The following RASGRF2 variants were observed in gnomAD, a reference collection of about 807,000 sequenced individuals.
The protein encoded by RASGRF2 is ras-specific guanine nucleotide-releasing factor 2.
A neutral mutation model predicts 151.0 loss-of-function variants in RASGRF2; 76 were observed. That is an observed-to-expected ratio of 0.50 (90% CI 0.42 to 0.61). RASGRF2 has a LOEUF of 0.61. Ranked by LOEUF, RASGRF2 falls within the 20% of genes least tolerant of loss-of-function variation. The probability of loss-of-function intolerance (pLI) is 0.00; values close to 1 mark genes in which losing one functional copy is unlikely to be tolerated. For synonymous variants in RASGRF2, 504 were observed against 566.5 expected (o/e 0.89, Z 1.57); for missense variants, 1,148 against 1,564.6 (o/e 0.73, Z 4.49).
intron 1 of RASGRF2, among the ~76,000 whole-genome samples, chr5:80,992,501 G>A (rs6453535): frequency 6.6e-4 from 101 of 152,288 alleles, no homozygotes; most frequent in African/African-American, 2.2e-3. Context: ...GAGAATAGGA[G>A]GGAGATACAA....
intron 4 of RASGRF2, 35 bp from the exon 5 acceptor site, chr5:81,073,164 C>G: frequency 6.3e-7 from 1 of 1,587,492 alleles, no homozygotes; most frequent in South Asian, 1.1e-5. Context: ...ACCATTGTAA[C>G]TAGTCAGATT....
chr5:80,989,229 C>T (rs888652690), intron 1 of RASGRF2, among the ~76,000 whole-genome samples: 1 of 152,104 alleles, frequency 6.6e-6, no homozygotes, highest in Non-Finnish European at 1.5e-5. Flanking sequence ...CGTCTGTCTC[C>T]CAAAGTGCTG....
intron 1 of RASGRF2, among the ~76,000 whole-genome samples, chr5:80,989,507 A>C (rs891632956): frequency 6.6e-6 from 1 of 152,214 alleles, no homozygotes; most frequent in African/African-American, 2.4e-5. Context: ...GGGATGCTTA[A>C]AGACTCCTTT....
intron 17 of RASGRF2, among the ~76,000 whole-genome samples, chr5:81,144,643 T>C (rs1010334761): frequency 1.3e-5 from 2 of 152,338 alleles, no homozygotes; most frequent in Non-Finnish European, 2.9e-5. Flanking sequence ...GTTGCACTTA[T>C]TATCAACATA....
Position 81,183,559 on chromosome 5 carries a change from C to T in RASGRF2, c.2793+3278C>T, listed in dbSNP as rs116793752. ...TTTTTAGGGGGTTCTAAAAATCTTC[C>T]TATGTGAATACATTCTGGCCTATTG... On this transcript the variant is annotated intron_variant, in intron 18 of 26. Transcript: ENST00000265080. 2.8e-3 allele frequency among the ~76,000 whole-genome samples: 432 copies of T among 152,308 alleles called. 4 individuals are homozygous for T. The highest frequency in any genetic ancestry group is 8.4e-3 in the African/African-American group (350 of 41,570).
chr5:80,969,966 A>ACAG (rs1051425483), intron 1 of RASGRF2, among the ~76,000 whole-genome samples: 1 of 151,780 alleles, frequency 6.6e-6, no homozygotes, highest in Admixed American at 6.6e-5. Context: ...AGCTGGGATT[A>ACAG]CAGGCATGCA....
intron 2 of RASGRF2, among the ~76,000 whole-genome samples, chr5:81,063,246 A>G (rs530641376): frequency 2.0e-5 from 3 of 152,000 alleles, no homozygotes; most frequent in African/African-American, 4.8e-5. Flanking sequence ...AGTTTCTTCC[A>G]TTTCTGTTTT....
chr5:80,969,843 T>TTTTTA (rs1747871398), intron 1 of RASGRF2, among the ~76,000 whole-genome samples: 1 of 132,732 alleles, frequency 7.5e-6, no homozygotes. Flanking sequence ...TTTTTTTTTT[T>TTTTTA]GAGACAGAGT....
chr5:81,127,737 A>G (rs1216360936), intron 17 of RASGRF2, among the ~76,000 whole-genome samples: 1 of 151,410 alleles, frequency 6.6e-6, no homozygotes, highest in Non-Finnish European at 1.5e-5. Context: ...TAGCCTGGAC[A>G]ACATGGTGAA....
chr5:81,031,020 C>T (rs1181860615), intron 1 of RASGRF2, among the ~76,000 whole-genome samples: 4 of 152,158 alleles, frequency 2.6e-5, no homozygotes, highest in African/African-American at 4.8e-5. Context: ...ATAAAACAGA[C>T]TTTAAATCAA....
In RASGRF2 at chr5:81,080,692, A is replaced by C; in HGVS notation, c.1064A>C (p.Gln355Pro). ...YSLQVLANCK[Q>P]NRDFDKLLKQ... ...CTGCAAGTTCTCGCCAATTGTAAGC[A>C]AAACAGAGATTTTGACAAACTCTTA... Residue 355 changes from glutamine (Q) to proline (P), a missense_variant, in exon 7 of 27, where the codon CAA (glutamine) becomes CCA (proline). Gln to Pro is a moderately conservative substitution (Grantham distance 76). Coordinates refer to ENST00000265080, the MANE Select transcript of RASGRF2 (RefSeq NM_006909.3). 6.2e-7 allele frequency: 1 copy of C among 1,614,194 alleles called. No individual in the cohort carries two copies. Among genetic ancestry groups the C allele is most frequent in the Non-Finnish European group, 8.5e-7 (1 of 1,180,004 alleles).
chr5:81,154,623 G>A (rs556770619), intron 17 of RASGRF2, among the ~76,000 whole-genome samples: 83 of 152,272 alleles, frequency 5.5e-4, no homozygotes, highest in African/African-American at 1.9e-3. Context: ...TTAAAAGTCT[G>A]AAATTATGAA....
chr5:81,047,448 G>A lies in RASGRF2; in HGVS notation c.395+4465G>A, dbSNP rs574815711. On this transcript the variant is annotated intron_variant, in intron 2 of 26. Coordinates refer to ENST00000265080, the MANE Select transcript of RASGRF2 (RefSeq NM_006909.3). ...ACCCTGCAGATGGCTTGTGTGTCCTGTGTTTGAAACTGTCCCACTATCTTT... is the reference window on the plus strand; with the variant it reads ...ACCCTGCAGATGGCTTGTGTGTCCTATGTTTGAAACTGTCCCACTATCTTT... Among the ~76,000 whole-genome samples the A allele has an allele frequency of 7.9e-5, 12 of 152,318 alleles. No homozygotes were observed. In the East Asian group the frequency reaches 1.9e-3, roughly 24 times the overall value.
chr5:81,076,539 A>G (rs1751943321), intron 5 of RASGRF2, among the ~76,000 whole-genome samples: 1 of 151,132 alleles, frequency 6.6e-6, no homozygotes, highest in Admixed American at 6.6e-5. Context: ...AAGGATTAGT[A>G]CATGGACACT....
At chr5:81,018,748 G>T (rs1318414412) in intron 1 of RASGRF2, among the ~76,000 whole-genome samples, 2 of 151,444 alleles carry the variant, frequency 1.3e-5, no homozygotes, top group African/African-American at 4.9e-5. Flanking sequence ...CTTTTTTACT[G>T]CTTTTGAAAT....
chr5:81,194,924 T>C (rs1429037630), intron 18 of RASGRF2, among the ~76,000 whole-genome samples: 1 of 152,244 alleles, frequency 6.6e-6, no homozygotes, highest in Non-Finnish European at 1.5e-5. Context: ...TTTCAGAGAA[T>C]GAAATATAAA....
intron 1 of RASGRF2, among the ~76,000 whole-genome samples, chr5:80,964,709 A>C (rs908102544): frequency 6.6e-6 from 1 of 152,168 alleles, no homozygotes; most frequent in African/African-American, 2.4e-5. Context: ...AACTATTTAA[A>C]TGGCAGTTGT....
At chr5:81,225,645 A>T (rs879167652) in intron 26 of RASGRF2, 33 bp from the exon 27 acceptor site, 1 of 1,608,700 alleles carries the variant, frequency 6.2e-7, no homozygotes, top group Non-Finnish European at 8.5e-7. Context: ...TGTCTGAAAG[A>T]GGTAAAAGCT....
intron 5 of RASGRF2, among the ~76,000 whole-genome samples, chr5:81,078,162 A>G (rs1751990712): frequency 6.6e-6 from 1 of 152,226 alleles, no homozygotes; most frequent in African/African-American, 2.4e-5. Context: ...GGTATATGTT[A>G]TAGTTTGATA....
Sources: allele counts gnomAD v4.1 joint callset (sites outside exome capture counted in the v4.1 genomes callset), GRCh38; gene constraint gnomAD v4.1.1; transcripts MANE v1.5; gene names NCBI Gene and HGNC (gene_info 2026-07-23, HGNC 2026-07-21).